Variants in PCDH15 observed in about 807,000 individuals in gnomAD.
The protein encoded by PCDH15 is protocadherin related 15, also known as protocadherin-15.
PCDH15 carries 129 observed loss-of-function variants against 178.5 expected under a neutral mutation model. That is an observed-to-expected ratio of 0.72 (90% CI 0.63 to 0.84). The LOEUF (loss-of-function observed/expected upper bound fraction) is 0.84. PCDH15 is among the 40% of genes least tolerant of loss of function. The pLI is 0.00. For synonymous variants in PCDH15, 800 were observed against 732.0 expected, an observed-to-expected ratio of 1.09 and a Z score of -1.50; for missense variants, 2,230 against 2,099.9, an observed-to-expected ratio of 1.06 and a Z score of -1.21.
At chr10:55,548,321 T>TA (rs1261200350) in intron 2 of PCDH15, among the ~76,000 whole-genome samples, 1 of 151,702 alleles carries the variant, frequency 6.6e-6, no homozygotes, top group Non-Finnish European at 1.5e-5. Flanking sequence ...TACACGCCAA[T>TA]ATATAACAAA....
At chr10:54,394,885 T>G (rs565228055) in intron 3 of PCDH15, among the ~76,000 whole-genome samples, 2 of 152,144 alleles carry the variant, frequency 1.3e-5, no homozygotes, top group Non-Finnish European at 2.9e-5. Flanking sequence ...TTCAGTGATA[T>G]TTCTCCCATT....
At chr10:54,661,925 A>T (rs1199813649) in intron 2 of PCDH15, among the ~76,000 whole-genome samples, 3 of 152,032 alleles carry the variant, frequency 2.0e-5, no homozygotes, top group African/African-American at 7.2e-5. Context: ...GAAAATTTAA[A>T]TTTAAGACCT....
intron 1 of PCDH15, among the ~76,000 whole-genome samples, chr10:55,268,092 C>T (rs1460589453): frequency 6.6e-6 from 1 of 152,124 alleles, no homozygotes; most frequent in Non-Finnish European, 1.5e-5. Context: ...AATTAAGTAT[C>T]ACAAAAGTAA....
chr10:54,225,865 T>C (rs1283382359), intron 9 of PCDH15, among the ~76,000 whole-genome samples: 1 of 152,206 alleles, frequency 6.6e-6, no homozygotes, highest in East Asian at 1.9e-4. Context: ...ATATACTGAC[T>C]GACACTGTGT....
At position 54,402,039 on chromosome 10, in the gene PCDH15, T is replaced by C. The variant is rs115388067; in HGVS notation, c.158-23097A>G. Among the ~76,000 whole-genome samples the C allele has an allele frequency of 9.3e-3, 1,407 of 151,914 alleles. 25 individuals carry two copies. The highest frequency in any genetic ancestry group is 0.032 in the African/African-American group (1,334 of 41,516). On this transcript the variant is annotated intron_variant, in intron 3 of 37. Transcript: ENST00000644397. ...AAATCAAATCCAGCAATCTATAAAA[T>C]AATGCATTATGACCAAGTTGGTTTT...
chr10:54,353,957 A>G (rs1418901748), intron 5 of PCDH15, among the ~76,000 whole-genome samples: 4 of 152,154 alleles, frequency 2.6e-5, no homozygotes, highest in Non-Finnish European at 5.9e-5. Context: ...TAAGTTGAAT[A>G]TACATATGAG....
upstream of PCDH15, among the ~76,000 whole-genome samples, chr10:55,320,129 C>G (rs922789284): frequency 1.3e-5 from 2 of 152,296 alleles, no homozygotes; most frequent in Admixed American, 1.3e-4. Context: ...CCCACGGCCA[C>G]ACACCACATC....
At chr10:55,624,039 T>C (rs111385032) in intron 2 of PCDH15, among the ~76,000 whole-genome samples, 52 of 152,196 alleles carry the variant, frequency 3.4e-4, no homozygotes, top group African/African-American at 1.1e-3. Context: ...TACATAGAAA[T>C]TGATTGTGTT....
intron 23 of PCDH15, among the ~76,000 whole-genome samples, chr10:53,949,340 A>G (rs1589576174): frequency 6.6e-6 from 1 of 152,364 alleles, no homozygotes; most frequent in Admixed American, 6.5e-5. Context: ...TCTAAATTAA[A>G]ATAGAAAACA....
chr10:55,020,671 A>C (rs1425184407), intron 2 of PCDH15, among the ~76,000 whole-genome samples: 4 of 152,212 alleles, frequency 2.6e-5, no homozygotes, highest in Admixed American at 1.3e-4. Context: ...ACAAATCTGC[A>C]TTCGCCTTTT....
At chr10:54,935,297 T>C (rs1837876992) in intron 2 of PCDH15, among the ~76,000 whole-genome samples, 1 of 152,172 alleles carries the variant, frequency 6.6e-6, no homozygotes, top group Non-Finnish European at 1.5e-5. Flanking sequence ...CGATGAAAAT[T>C]CTGCATTCAT....
At chr10:54,272,583 A>G in intron 8 of PCDH15, among the ~76,000 whole-genome samples, 1 of 152,154 alleles carries the variant, frequency 6.6e-6, no homozygotes, top group East Asian at 1.9e-4. Context: ...AATGCTACAG[A>G]TAGTGGAATA....
At chr10:54,802,323 G>A (rs951992703), upstream of PCDH15, among the ~76,000 whole-genome samples, 4 of 152,122 alleles carry the variant, frequency 2.6e-5, no homozygotes, top group African/African-American at 9.7e-5. Context: ...GTTTTCCAGA[G>A]GGAGGGAAAA....
chr10:54,476,115 G>T (rs1426510075), intron 3 of PCDH15, among the ~76,000 whole-genome samples: 1 of 151,160 alleles, frequency 6.6e-6, no homozygotes, highest in East Asian at 2.0e-4. Flanking sequence ...TTCATAATAA[G>T]TTACATGGTC....
At position 55,564,908 on chromosome 10, in the gene PCDH15, C is replaced by T. The variant is rs544458335; in HGVS notation, c.-156+62717G>A. Among the ~76,000 whole-genome samples, 10 of 151,610 alleles carry T rather than the reference C, an allele frequency of 6.6e-5. No homozygotes were observed. In the South Asian group the frequency reaches 2.1e-3, roughly 31 times the overall value. On this transcript the variant is annotated intron_variant, in intron 2 of 5. Transcript: ENST00000613346. ...ATAGTTCTACAATAATAATTGAAGACTTCAAAATCTACCCTTAGTAATGGA... is the reference window on the plus strand; with the variant it reads ...ATAGTTCTACAATAATAATTGAAGATTTCAAAATCTACCCTTAGTAATGGA...
Position 54,943,921 on chromosome 10 carries a change from A to T in PCDH15, c.-79-46421T>A, listed in dbSNP as rs570803024. Among the ~76,000 whole-genome samples, 3 of 152,028 alleles carry T rather than the reference A, an allele frequency of 2.0e-5. No homozygotes were observed. In the South Asian group the frequency reaches 6.2e-4, roughly 32 times the overall value. On this transcript the variant is annotated intron_variant, in intron 2 of 5. Transcript: ENST00000458638. Reference sequence around the variant, plus strand: ...ATCTCTTAAAGAGAAGATAAAAGACATGGTTTAAAGGGAGTTTCTATCCCA... The same window carrying T: ...ATCTCTTAAAGAGAAGATAAAAGACTTGGTTTAAAGGGAGTTTCTATCCCA...
At chr10:54,587,824 A>G (rs2091603000) in intron 2 of PCDH15, among the ~76,000 whole-genome samples, 1 of 152,190 alleles carries the variant, frequency 6.6e-6, no homozygotes, top group South Asian at 2.1e-4. Flanking sequence ...GAAAATAATG[A>G]TGCAAAAAAT....
intron 2 of PCDH15, among the ~76,000 whole-genome samples, chr10:55,135,330 C>A (rs930571364): frequency 6.6e-6 from 1 of 151,986 alleles, no homozygotes; most frequent in African/African-American, 2.4e-5. Flanking sequence ...TGCCTTACAT[C>A]TAAGTAAGCA....
intron 9 of PCDH15, among the ~76,000 whole-genome samples, chr10:54,227,014 A>T (rs566072724): frequency 6.6e-6 from 1 of 152,186 alleles, no homozygotes; most frequent in Admixed American, 6.5e-5. Flanking sequence ...GGCTGCTTTC[A>T]TGGGCTGGGG....
Sources: gnomAD v4.1 joint callset for allele counts (sites outside exome capture counted in the v4.1 genomes callset) on GRCh38, gnomAD v4.1.1 for gene constraint, MANE v1.5 for transcripts, NCBI Gene and HGNC (gene_info 2026-07-23, HGNC 2026-07-21) for gene names.